RAPGEF6: variants seen among roughly 807,000 people sequenced by gnomAD.
RAPGEF6 encodes PDZ domain containing guanine nucleotide exchange factor (GEF) 2.
Under a neutral mutation model 171.4 loss-of-function variants are expected in RAPGEF6, and 56 were observed. The ratio of observed to expected loss-of-function variants is 0.33; its 90% CI spans 0.26 to 0.41. The LOEUF (loss-of-function observed/expected upper bound fraction) is 0.41, where lower values mean the gene tolerates loss of function less well. Among genes scored for constraint, RAPGEF6 ranks in the 10% least tolerant of loss-of-function variants. The pLI is 1.00. For missense variants in RAPGEF6, 1,674 were observed against 1,921.4 expected, an observed-to-expected ratio of 0.87 and a Z score of 2.41; for synonymous variants, 692 against 650.1, an observed-to-expected ratio of 1.06 and a Z score of -0.98.
chr5:131,559,896 G>A (rs917358180), intron 5 of RAPGEF6, among the ~76,000 whole-genome samples: 2 of 151,352 alleles, frequency 1.3e-5, no homozygotes, highest in African/African-American at 4.9e-5. Context: ...TTTACAATGT[G>A]TCAGATTAAG....
At chr5:131,524,506 T>C (rs544856030) in intron 6 of RAPGEF6, among the ~76,000 whole-genome samples, 12 of 150,440 alleles carry the variant, frequency 8.0e-5, no homozygotes, top group Admixed American at 2.0e-4. Flanking sequence ...TGGAAAAATA[T>C]AGACCATGCA....
chr5:131,610,151 C>G (rs778325691), intron 1 of RAPGEF6, among the ~76,000 whole-genome samples: 53 of 152,304 alleles, frequency 3.5e-4, no homozygotes, highest in Non-Finnish European at 6.2e-4. Flanking sequence ...GCAGGAAGAA[C>G]AGATGGGCCT....
intron 25 of RAPGEF6, 126 bp from the exon 26 acceptor site, chr5:131,431,475 C>T (rs568625358): frequency 9.9e-6 from 10 of 1,005,414 alleles, no homozygotes; most frequent in African/African-American, 9.7e-5. Context: ...CAAATAACAT[C>T]GTGAGGAAAA....
Position 131,553,355 on chromosome 5 carries a change from C to T in RAPGEF6, c.352-5165G>A, listed in dbSNP as rs557621777. Among the ~76,000 whole-genome samples, 18 of 152,188 alleles carry T rather than the reference C, an allele frequency of 1.2e-4. No homozygotes were observed. In the South Asian group the frequency reaches 3.7e-3, roughly 32 times the overall value. On this transcript the variant is annotated intron_variant, in intron 5 of 27. Coordinates refer to ENST00000509018, the MANE Select transcript of RAPGEF6 (RefSeq NM_016340.6). ...CATCTCTAGGCTTAAAAGCTATAGCCCTATAACCTAATGCCCAACATTAAA... is the reference window on the plus strand; with the variant it reads ...CATCTCTAGGCTTAAAAGCTATAGCTCTATAACCTAATGCCCAACATTAAA...
chr5:131,568,436 T>C (rs1270622536), intron 4 of RAPGEF6, among the ~76,000 whole-genome samples: 3 of 152,076 alleles, frequency 2.0e-5, no homozygotes, highest in African/African-American at 7.2e-5. Flanking sequence ...GCTCAAGCTA[T>C]CCTCTCGCCT....
chr5:131,479,835 A>G lies in RAPGEF6; in HGVS notation c.1841-82T>C, dbSNP rs571255779. On this transcript the variant is annotated intron_variant, in intron 15 of 27. Transcript: ENST00000509018. ...CCAACAACAAATTTTAAGGATAAACACAGTGACTTTCCATTATTTGAACTT... is the reference window on the plus strand; with the variant it reads ...CCAACAACAAATTTTAAGGATAAACGCAGTGACTTTCCATTATTTGAACTT... 3.6e-6 allele frequency: 5 copies of G among 1,397,018 alleles called. No homozygotes were observed. In the East Asian group the frequency reaches 1.2e-4, roughly 32 times the overall value. 86.5% of individuals were successfully genotyped at this position (1,397,018 alleles called of 1,614,324 possible).
At chr5:131,583,288 G>A (rs1048383088) in intron 4 of RAPGEF6, among the ~76,000 whole-genome samples, 2 of 152,162 alleles carry the variant, frequency 1.3e-5, no homozygotes, top group African/African-American at 4.8e-5. Context: ...CCATTGTGAA[G>A]TTTAGACACA....
chr5:131,560,266 T>C (rs937860558), intron 5 of RAPGEF6, among the ~76,000 whole-genome samples: 9 of 152,206 alleles, frequency 5.9e-5, no homozygotes, highest in African/African-American at 2.2e-4. Context: ...CAATAAGGAC[T>C]TTGTCTTACA....
At chr5:131,468,755 C>T (rs1014726651) in intron 17 of RAPGEF6, among the ~76,000 whole-genome samples, 2 of 152,070 alleles carry the variant, frequency 1.3e-5, no homozygotes, top group African/African-American at 2.4e-5. Context: ...TGAGTAAACA[C>T]GAGCTCGACG....
At chr5:131,606,037 AAAAAAAAAAAAAAAAAG>A (rs1199722894) in intron 1 of RAPGEF6, among the ~76,000 whole-genome samples, 1 of 144,294 alleles carries the variant, frequency 6.9e-6, no homozygotes, top group African/African-American at 2.7e-5. Context: ...CTCAAAAAAA[AAAAAAAAAAAAAAAAAG>A]AAAAAGAAAA....
intron 15 of RAPGEF6, 136 bp downstream of exon 15, chr5:131,489,410 C>T: frequency 3.3e-6 from 2 of 613,984 alleles, no homozygotes; most frequent in Non-Finnish European, 5.7e-6. Flanking sequence ...TAGTTCAAAA[C>T]TAAAGATTCT....
chr5:131,481,251 G>T (rs1183230617), intron 15 of RAPGEF6, among the ~76,000 whole-genome samples: 1 of 149,118 alleles, frequency 6.7e-6, no homozygotes, highest in African/African-American at 2.5e-5. Context: ...TTTGAGAAAG[G>T]GTCTCACTCT....
chr5:131,619,271 A>G (rs996581473), intron 1 of RAPGEF6, among the ~76,000 whole-genome samples: 2 of 152,148 alleles, frequency 1.3e-5, no homozygotes, highest in African/African-American at 4.8e-5. Flanking sequence ...CAATGAGGAT[A>G]CATGGACACA....
At chr5:131,531,378 A>G (rs1399545405) in intron 6 of RAPGEF6, among the ~76,000 whole-genome samples, 1 of 152,236 alleles carries the variant, frequency 6.6e-6, no homozygotes, top group African/African-American at 2.4e-5. Flanking sequence ...TACAGACTAT[A>G]TAAATAGCCA....
At chr5:131,616,402 G>A (rs1307926356) in intron 1 of RAPGEF6, among the ~76,000 whole-genome samples, 1 of 152,114 alleles carries the variant, frequency 6.6e-6, no homozygotes, top group Non-Finnish European at 1.5e-5. Context: ...TTCTAATTAA[G>A]CAGGTTGGAA....
chr5:131,527,007 C>T (rs994823968), intron 6 of RAPGEF6, among the ~76,000 whole-genome samples: 1 of 152,110 alleles, frequency 6.6e-6, no homozygotes, highest in Non-Finnish European at 1.5e-5. Context: ...CAATGCCAAG[C>T]TAGGCATTTT....
Position 131,430,909 on chromosome 5 carries a change from G to C in RAPGEF6, c.4415C>G (p.Thr1472Ser), listed in dbSNP as rs754928102. Residue 1472 changes from threonine (T) to serine (S), a missense_variant, in exon 26 of 28, where the codon ACT becomes AGT. By Grantham distance (58) the Thr-to-Ser change is moderately conservative. Transcript: ENST00000509018. ...AGTGACAGTTTTATAAACTGGGTCAGTGGCATCCTTGGGGTCCAAGCCTTC... is the reference window on the plus strand; with the variant it reads ...AGTGACAGTTTTATAAACTGGGTCACTGGCATCCTTGGGGTCCAAGCCTTC... ...SSEGLDPKDA[T>S]DPVYKTVTSS... The C allele has an allele frequency of 6.2e-7, 1 of 1,612,606 alleles. No homozygotes were observed. The highest frequency in any genetic ancestry group is 1.7e-5 in the Admixed American group (1 of 59,640).
intron 6 of RAPGEF6, chr5:131,532,269 T>C (rs1195241979): frequency 7.2e-6 from 2 of 278,142 alleles, no homozygotes; most frequent in Non-Finnish European, 1.5e-5. Flanking sequence ...AGTGTTTATA[T>C]AAAGGCAGCC....
At chr5:131,597,043 C>A (rs1182516759) in intron 3 of RAPGEF6, among the ~76,000 whole-genome samples, 2 of 151,752 alleles carry the variant, frequency 1.3e-5, no homozygotes, top group South Asian at 2.1e-4. Context: ...CAAAAAAAAA[C>A]TGATTAAAAA....
Sources: allele counts gnomAD v4.1 joint callset (sites outside exome capture counted in the v4.1 genomes callset), GRCh38; gene constraint gnomAD v4.1.1; transcripts MANE v1.5; gene names NCBI Gene and HGNC (gene_info 2026-07-23, HGNC 2026-07-21).